The following ECPAS variants were observed in gnomAD, a reference collection of about 807,000 sequenced individuals.
The protein encoded by ECPAS is proteasome adapter and scaffold protein ECM29.
A neutral mutation model predicts 255.1 loss-of-function variants in ECPAS; 70 were observed. That is an observed-to-expected ratio of 0.27 (90% confidence interval 0.23 to 0.33). The LOEUF (loss-of-function observed/expected upper bound fraction) is 0.33, where lower values mean the gene tolerates loss of function less well. Ranked by LOEUF, ECPAS falls within the 10% of genes least tolerant of loss-of-function variation. The pLI, the probability that ECPAS is intolerant of heterozygous loss-of-function variation, is 1.00. For synonymous variants in ECPAS, 784 were observed against 775.0 expected, an observed-to-expected ratio of 1.01 and a Z score of -0.19; for missense variants, 1,817 against 2,206.4, an observed-to-expected ratio of 0.82 and a Z score of 3.54.
chr9:111,412,170 CA>C, intron 20 of ECPAS, 22 bp from the exon 21 acceptor site: 1 of 1,500,858 alleles, frequency 6.7e-7, no homozygotes, highest in Non-Finnish European at 8.8e-7. Context: ...AAAAAAAAAA[CA>C]AATATATACA....
intron 25 of ECPAS, among the ~76,000 whole-genome samples, chr9:111,394,512 T>TCTC (rs899266028): frequency 9.2e-5 from 14 of 152,330 alleles, no homozygotes; most frequent in Admixed American, 2.6e-4. Context: ...GGTACTCGAG[T>TCTC]AACTTTTTAG....
chr9:111,464,407 G>A (rs1165942367), intron 2 of ECPAS, among the ~76,000 whole-genome samples: 1 of 150,028 alleles, frequency 6.7e-6, no homozygotes, highest in Non-Finnish European at 1.5e-5. Context: ...TCCAGCATGG[G>A]CAACTGAGCA....
chr9:111,411,029 G>T lies in ECPAS; in HGVS notation c.2328C>A (p.Asp776Glu). ...TGAGTTCCTCTTGATCAGGGAGGGT[G>T]TCAGCATTTCTCTCCAGGTCTTGTT... ...SEQQDLERNA[D>E]TLPDQEELIQ... Residue 776 changes from aspartate (D) to glutamate (E), a missense_variant, in exon 22 of 50, where the codon GAC becomes GAA. By Grantham distance (45) the Asp-to-Glu change is conservative. This residue lies in a region of ECPAS where 194 missense variants were observed against 152.8 expected (regional missense o/e 1.27). Coordinates refer to ENST00000684092, the MANE Select transcript of ECPAS (RefSeq NM_001364929.1). 6.2e-7 allele frequency: 1 copy of T among 1,613,900 alleles called. No individual in the cohort carries two copies. The highest frequency in any genetic ancestry group is 8.5e-7 in the Non-Finnish European group (1 of 1,179,838).
intron 36 of ECPAS, among the ~76,000 whole-genome samples, chr9:111,377,650 T>C (rs1398049960): frequency 1.3e-5 from 2 of 152,238 alleles, no homozygotes; most frequent in African/African-American, 2.4e-5. Context: ...CACGGTCTGA[T>C]ACTATTTTTA....
At chr9:111,467,548 A>C (rs1008850839) in intron 2 of ECPAS, among the ~76,000 whole-genome samples, 2 of 152,182 alleles carry the variant, frequency 1.3e-5, no homozygotes, top group Non-Finnish European at 2.9e-5. Flanking sequence ...TTTTTCCTGA[A>C]TATGAAAGTA....
chr9:111,449,710 A>C (rs912421514), intron 3 of ECPAS, among the ~76,000 whole-genome samples: 1 of 152,124 alleles, frequency 6.6e-6, no homozygotes, highest in African/African-American at 2.4e-5. Context: ...CCAGGTCTCC[A>C]CTCTTGGCCC....
chr9:111,459,702 C>T (rs1457391362), intron 2 of ECPAS, among the ~76,000 whole-genome samples: 1 of 152,040 alleles, frequency 6.6e-6, no homozygotes, highest in Non-Finnish European at 1.5e-5. Flanking sequence ...TTTTAAGGGG[C>T]TTTTTTAATT....
At chr9:111,377,842 G>GT (rs2098135218) in intron 36 of ECPAS, among the ~76,000 whole-genome samples, 1 of 152,024 alleles carries the variant, frequency 6.6e-6, no homozygotes. Context: ...TTCATCTGAA[G>GT]TTTTAAAAAA....
Position 111,484,235 on chromosome 9 carries a change from G to T in ECPAS, c.-202C>A. 5 of 1,479,534 alleles carry T rather than the reference G, an allele frequency of 3.4e-6. No individual in the cohort carries two copies. The South Asian group carries it at 5.5e-5, about 16-fold the overall frequency. The allele number at this position is 1,479,534 out of a possible 1,614,324, so 91.7% of individuals were successfully genotyped here. ...GAGCCGCGCGCCGCAGTCCGTGAGGGGCTGGGCCGAGCGGGCCCGGGCTGC... is the reference window on the plus strand; with the variant it reads ...GAGCCGCGCGCCGCAGTCCGTGAGGTGCTGGGCCGAGCGGGCCCGGGCTGC... On this transcript the variant is annotated 5_prime_UTR_variant, in exon 1 of 50. Transcript: ENST00000684092.
intron 19 of ECPAS, 136 bp from the exon 20 acceptor site, chr9:111,414,122 ACCTAC>A: frequency 1.6e-6 from 1 of 619,340 alleles, no homozygotes; most frequent in Non-Finnish European, 2.7e-6. Context: ...AAAAAAGAAA[ACCTAC>A]ACAACCTAAA....
intron 2 of ECPAS, among the ~76,000 whole-genome samples, chr9:111,469,886 C>T (rs1467137683): frequency 6.6e-6 from 1 of 152,100 alleles, no homozygotes; most frequent in African/African-American, 2.4e-5. Flanking sequence ...AAGAGTTACC[C>T]CCATCCCCAG....
At chr9:111,396,131 T>C (rs2098167277) in intron 25 of ECPAS, among the ~76,000 whole-genome samples, 1 of 152,252 alleles carries the variant, frequency 6.6e-6, no homozygotes, top group African/African-American at 2.4e-5. Context: ...GAATACTCTC[T>C]TTTAATTTCC....
chr9:111,385,647 A>T (rs2098147122), intron 32 of ECPAS, among the ~76,000 whole-genome samples: 1 of 152,168 alleles, frequency 6.6e-6, no homozygotes, highest in South Asian at 2.1e-4. Context: ...GTTTCCCACA[A>T]CTATAATACA....
intron 24 of ECPAS, among the ~76,000 whole-genome samples, chr9:111,398,500 G>A (rs72609704): frequency 0.063 from 9,646 of 152,174 alleles, 445 homozygotes; most frequent in East Asian, 0.19. Context: ...ACAGATACAT[G>A]GGGATTCATT....
In ECPAS at chr9:111,362,115, G is replaced by A. The variant is rs2098114059; in HGVS notation, c.5435C>T (p.Ser1812Phe). Residue 1812 changes from serine (S) to phenylalanine (F), a missense_variant, in exon 50 of 50, where the codon TCT becomes TTT. By Grantham distance (155) the Ser-to-Phe change is radical. Transcript: ENST00000684092. ...TSECRVLLIE[S>F]LATMEPDSRP... ...GCTGTCTGGCTCCATAGTAGCTAAA[G>A]ACTCAATTAGGAGCACTCTGCATTC... 6.2e-7 allele frequency: 1 copy of A among 1,608,684 alleles called. No individual in the cohort carries two copies. The highest frequency in any genetic ancestry group is 8.5e-7 in the Non-Finnish European group (1 of 1,178,474).
At position 111,384,581 on chromosome 9, in the gene ECPAS, A is replaced by G; in HGVS notation, c.3634-12T>C. The G allele has an allele frequency of 1.9e-6, 3 of 1,613,266 alleles. No individual in the cohort carries two copies. The highest frequency in any genetic ancestry group is 2.2e-5 in the East Asian group (1 of 44,856). ...TTTCGTACAGATTCCTAAAAATGAC[A>G]AAAGTGTGACATCATACAAGTTAGA... is the stretch of plus-strand genomic sequence containing the variant. On this transcript the variant is annotated splice_polypyrimidine_tract_variant and intron_variant, in intron 33 of 49. Coordinates refer to ENST00000684092, the MANE Select transcript of ECPAS (RefSeq NM_001364929.1).
At chr9:111,366,675 A>T (rs2098120730) in intron 46 of ECPAS, 48 bp from the exon 47 acceptor site, 5 of 1,222,472 alleles carry the variant, frequency 4.1e-6, no homozygotes, top group Non-Finnish European at 6.0e-6. Flanking sequence ...AGTATAAAAG[A>T]ACAAGAGATG....
In ECPAS at chr9:111,417,992, T is replaced by A. The variant is rs1301184181; in HGVS notation, c.1574A>T (p.His525Leu). 2.5e-6 allele frequency: 4 copies of A among 1,600,260 alleles called. No individual in the cohort carries two copies. Among genetic ancestry groups the A allele is most frequent in the Non-Finnish European group, 3.4e-6 (4 of 1,174,988 alleles). Residue 525 changes from histidine (H) to leucine (L), a missense_variant, in exon 17 of 50, where the codon CAT becomes CTT. By Grantham distance (99) the His-to-Leu change is moderately conservative. Transcript: ENST00000684092. ...LAAGDPREEV[H>L]GEAQRVLRCL... ...CCTTAATACGCGTTGTGCTTCTCCATGAACTTCTTCACGTCTTTCAGAAAA... is the reference window on the plus strand; with the variant it reads ...CCTTAATACGCGTTGTGCTTCTCCAAGAACTTCTTCACGTCTTTCAGAAAA...
At chr9:111,443,797 G>A (rs571197611) in intron 4 of ECPAS, among the ~76,000 whole-genome samples, 147 of 152,060 alleles carry the variant, frequency 9.7e-4, no homozygotes, top group Admixed American at 3.1e-3. Context: ...GAACTACAAG[G>A]ACCAGGAAAA....
Sources: gnomAD v4.1 joint callset for allele counts (sites outside exome capture counted in the v4.1 genomes callset) on GRCh38, gnomAD v4.1.1 for gene constraint, gnomAD v4.1.1 regional missense constraint, MANE v1.5 for transcripts, NCBI Gene and HGNC (gene_info 2026-07-23, HGNC 2026-07-21) for gene names.